Variants in CLIC5 observed in about 807,000 individuals in gnomAD.
The protein encoded by CLIC5 is CLIC family member 5.
A neutral mutation model predicts 24.7 loss-of-function variants in CLIC5; 20 were observed. The ratio of observed to expected loss-of-function variants is 0.81; its 90% CI spans 0.57 to 1.18. CLIC5 has a LOEUF of 1.18. CLIC5 is among the 50% of genes most tolerant of loss of function. The pLI, the probability that CLIC5 is intolerant of heterozygous loss-of-function variation, is 0.00. For missense variants in CLIC5, 341 were observed against 326.1 expected (o/e 1.05, Z -0.35); for synonymous variants, 159 against 135.6 (o/e 1.17, Z -1.20).
At chr6:46,120,195 C>A in the CLIC5 span, among the ~76,000 whole-genome samples, 1 of 152,216 alleles carries the variant, frequency 6.6e-6, no homozygotes, top group Non-Finnish European at 1.5e-5. Context: ...TAGGGGCAGA[C>A]TGACACCTCA....
downstream of CLIC5, among the ~76,000 whole-genome samples, chr6:45,897,818 T>C (rs796434581): frequency 2.0e-5 from 3 of 152,202 alleles, no homozygotes; most frequent in Non-Finnish European, 2.9e-5. Flanking sequence ...AGAAGAATGA[T>C]ATTTTAAGGA....
intron 5 of CLIC5, among the ~76,000 whole-genome samples, chr6:45,906,520 A>C (rs1232384453): frequency 6.6e-6 from 1 of 151,410 alleles, no homozygotes; most frequent in African/African-American, 2.4e-5. Context: ...TCTCAACTTT[A>C]ATATTGTTAG....
At chr6:45,932,604 T>A (rs1763781909) in intron 4 of CLIC5, 1 of 152,296 alleles carries the variant, frequency 6.6e-6, no homozygotes. Flanking sequence ...GTCGGTGTGG[T>A]CACACCAGGC....
At position 45,917,176 on chromosome 6, in the gene CLIC5, G is replaced by A. The variant is rs183403777; in HGVS notation, c.407-2767C>T. 1.8e-3 allele frequency among the ~76,000 whole-genome samples: 275 copies of A among 152,246 alleles called. 1 individual carries two copies. Among genetic ancestry groups the A allele is most frequent in the Non-Finnish European group, 3.2e-3 (216 of 68,018 alleles). ...GTCGTTGATCCTGGCACTTACATGT[G>A]ACCTTGGACAAGTTCCTCTACTTCA... On this transcript the variant is annotated intron_variant, in intron 4 of 5. Coordinates refer to ENST00000339561, the MANE Select transcript of CLIC5 (RefSeq NM_016929.5).
At chr6:46,046,405 A>G (rs1351807367) in intron 1 of CLIC5, among the ~76,000 whole-genome samples, 3 of 152,200 alleles carry the variant, frequency 2.0e-5, no homozygotes, top group Admixed American at 1.3e-4. Flanking sequence ...TGTCAGTACC[A>G]TTTCCCAAAA....
At chr6:45,938,730 T>C (rs1764025234) in intron 4 of CLIC5, among the ~76,000 whole-genome samples, 1 of 152,154 alleles carries the variant, frequency 6.6e-6, no homozygotes, top group South Asian at 2.1e-4. Context: ...ATATGGATAA[T>C]ATGTAAACAC....
chr6:46,016,068 A>AG (rs1766993993), upstream of CLIC5, among the ~76,000 whole-genome samples: 1 of 149,724 alleles, frequency 6.7e-6, no homozygotes, highest in East Asian at 2.0e-4. Flanking sequence ...GCGGATAATG[A>AG]GGCGAAGGCA....
intron 1 of CLIC5, among the ~76,000 whole-genome samples, chr6:46,069,411 A>G (rs890418394): frequency 6.6e-5 from 10 of 152,292 alleles, no homozygotes; most frequent in African/African-American, 2.4e-4. Context: ...ACAAATAACT[A>G]TCAGAGAATA....
intron 6 of CLIC5, among the ~76,000 whole-genome samples, chr6:45,891,961 T>C (rs1363488480): frequency 6.6e-6 from 1 of 152,230 alleles, no homozygotes; most frequent in Non-Finnish European, 1.5e-5. Context: ...CCAAGATACA[T>C]TGTGAAGCAA....
At chr6:45,906,190 T>C (rs1261041187) in intron 5 of CLIC5, among the ~76,000 whole-genome samples, 12 of 152,206 alleles carry the variant, frequency 7.9e-5, no homozygotes, top group African/African-American at 2.7e-4. Context: ...CTTTGGCTAT[T>C]CCGGCTCATT....
At chr6:45,992,726 A>T (rs1765986287) in intron 1 of CLIC5, among the ~76,000 whole-genome samples, 1 of 152,140 alleles carries the variant, frequency 6.6e-6, no homozygotes. Context: ...CTTTGTAAAC[A>T]TGTTTTCCCT....
At chr6:45,908,061 T>C (rs982179901) in intron 5 of CLIC5, among the ~76,000 whole-genome samples, 21 of 152,214 alleles carry the variant, frequency 1.4e-4, no homozygotes, top group Admixed American at 2.6e-4. Flanking sequence ...TGCATAGGGA[T>C]GTTCATAATA....
At chr6:46,107,590 G>A in the CLIC5 span, among the ~76,000 whole-genome samples, 2 of 152,102 alleles carry the variant, frequency 1.3e-5, no homozygotes, top group African/African-American at 2.4e-5. Context: ...TGTATACAAA[G>A]TACATAAGAA....
the CLIC5 span, among the ~76,000 whole-genome samples, chr6:46,122,759 A>T: frequency 3.6e-4 from 55 of 152,354 alleles, no homozygotes; most frequent in African/African-American, 1.2e-3. Context: ...ACCACCGCCG[A>T]TCCCACAGAA....
chr6:45,891,651 A>T (rs1398854235), intron 6 of CLIC5, among the ~76,000 whole-genome samples: 1 of 151,634 alleles, frequency 6.6e-6, no homozygotes, highest in East Asian at 1.9e-4. Flanking sequence ...AAAAAAAAGA[A>T]TGTGTATGTG....
intron 5 of CLIC5, among the ~76,000 whole-genome samples, chr6:45,905,338 TGTATAA>T (rs1371981821): frequency 6.6e-6 from 1 of 152,224 alleles, no homozygotes; most frequent in Admixed American, 6.5e-5. Context: ...CCATTAACAC[TGTATAA>T]GTGTTCCCTT....
chr6:46,091,767 A>G, the CLIC5 span, among the ~76,000 whole-genome samples: 2 of 152,154 alleles, frequency 1.3e-5, no homozygotes, highest in Non-Finnish European at 2.9e-5. Context: ...CTGTTGTTGG[A>G]CAGAGGTTAA....
At chr6:45,928,375 G>T (rs1022911522) in intron 4 of CLIC5, among the ~76,000 whole-genome samples, 1 of 152,176 alleles carries the variant, frequency 6.6e-6, no homozygotes, top group African/African-American at 2.4e-5. Context: ...CAAAAATGAG[G>T]GAATCTGTTC....
chr6:46,080,455 C>T (rs183748041), upstream of CLIC5: 2 of 553,080 alleles, frequency 3.6e-6, no homozygotes, highest in East Asian at 5.7e-5. Flanking sequence ...ATAAAGCTTA[C>T]ACACTCAGTT....
Sources: allele counts gnomAD v4.1 joint callset (sites outside exome capture counted in the v4.1 genomes callset), GRCh38; gene constraint gnomAD v4.1.1; transcripts MANE v1.5; gene names NCBI Gene and HGNC (gene_info 2026-07-23, HGNC 2026-07-21).